Variants in PTPRN2 observed in about 807,000 individuals in gnomAD.
The protein encoded by PTPRN2 is protein tyrosine phosphatase receptor type N2, also known as receptor-type tyrosine-protein phosphatase N2.
A neutral mutation model predicts 118.8 loss-of-function variants in PTPRN2; 74 were observed. That is an observed-to-expected ratio of 0.62 (90% CI 0.52 to 0.76). The LOEUF is 0.76. Ranked by LOEUF, PTPRN2 falls within the 30% of genes least tolerant of loss-of-function variation. PTPRN2 has a pLI of 0.00. For missense variants in PTPRN2, 1,481 were observed against 1,394.4 expected (o/e 1.06, Z -0.99); for synonymous variants, 641 against 608.0 (o/e 1.05, Z -0.80).
chr7:158,329,614 C>G (rs1023650549), intron 2 of PTPRN2, among the ~76,000 whole-genome samples: 1 of 152,200 alleles, frequency 6.6e-6, no homozygotes, highest in Non-Finnish European at 1.5e-5. Context: ...TTCCAGCCTT[C>G]AGAACTGAGA....
chr7:158,528,834 A>ATGGACAC (rs1311179965), intron 1 of PTPRN2, among the ~76,000 whole-genome samples: 1 of 151,664 alleles, frequency 6.6e-6, no homozygotes, highest in African/African-American at 2.4e-5. Context: ...ACTGTGCACG[A>ATGGACAC]TGGACACTGG....
intron 2 of PTPRN2, among the ~76,000 whole-genome samples, chr7:158,417,671 G>A (rs1158435739): frequency 6.8e-6 from 1 of 147,256 alleles, no homozygotes; most frequent in Non-Finnish European, 1.5e-5. Context: ...GTGTCCCACT[G>A]TGTTAAGTCA....
intron 12 of PTPRN2, among the ~76,000 whole-genome samples, chr7:157,799,389 G>A (rs34485836): frequency 0.15 from 22,426 of 152,106 alleles, 1,823 homozygotes; most frequent in African/African-American, 0.2. Flanking sequence ...CACGCTGAAC[G>A]TGTGTTCCTC....
chr7:157,924,662 G>A (rs1182200161), intron 11 of PTPRN2, among the ~76,000 whole-genome samples: 6 of 152,252 alleles, frequency 3.9e-5, no homozygotes, highest in Non-Finnish European at 5.9e-5. Context: ...TAAGAAGTCC[G>A]CTGCAGGTGG....
chr7:158,481,794 AT>A (rs1390343334), intron 2 of PTPRN2, among the ~76,000 whole-genome samples: 6 of 152,214 alleles, frequency 3.9e-5, no homozygotes, highest in Non-Finnish European at 8.8e-5. Flanking sequence ...ACTTTGTAAG[AT>A]GACAGCTGCC....
intron 2 of PTPRN2, among the ~76,000 whole-genome samples, chr7:158,410,027 C>T (rs962058162): frequency 6.6e-6 from 1 of 152,228 alleles, no homozygotes; most frequent in East Asian, 1.9e-4. Context: ...GGCTCCGAGG[C>T]GTCCCCGCAG....
At chr7:158,195,997 G>A (rs1826181413) in intron 4 of PTPRN2, among the ~76,000 whole-genome samples, 1 of 152,106 alleles carries the variant, frequency 6.6e-6, no homozygotes, top group Admixed American at 6.5e-5. Flanking sequence ...CAGTATCAGA[G>A]CAGCAATTAT....
intron 1 of PTPRN2, among the ~76,000 whole-genome samples, chr7:158,502,657 G>A (rs1822452441): frequency 6.6e-6 from 1 of 152,246 alleles, no homozygotes; most frequent in African/African-American, 2.4e-5. Context: ...ACCCAAACCT[G>A]GACGTCACCA....
intron 2 of PTPRN2, among the ~76,000 whole-genome samples, chr7:158,357,975 A>G (rs1252814674): frequency 1.3e-5 from 2 of 152,176 alleles, no homozygotes; most frequent in African/African-American, 4.8e-5. Flanking sequence ...TTGTGTGTGC[A>G]TGTCTCTGTT....
Position 158,563,986 on chromosome 7 carries a change from CA to C in PTPRN2, c.112+23571del, listed in dbSNP as rs148029811. Among the ~76,000 whole-genome samples the C allele has an allele frequency of 5.1e-3, 780 of 152,312 alleles. 6 individuals are homozygous for C. Among genetic ancestry groups the C allele is most frequent in the African/African-American group, 0.017 (699 of 41,552 alleles). On this transcript the variant is annotated intron_variant, in intron 1 of 22. Coordinates refer to ENST00000389418, the MANE Select transcript of PTPRN2 (RefSeq NM_002847.5). The surrounding 1 kb of genome is among the most constrained non-coding windows in gnomAD (Gnocchi z 5.1). ...ACACACATCATGACAGCTCCTGCAT[CA>C]GGGGGCTGCTGGGATGATTAAACAA... is the stretch of plus-strand genomic sequence containing the variant.
At chr7:157,574,845 C>T (rs1380874682) in intron 19 of PTPRN2, among the ~76,000 whole-genome samples, 1 of 152,228 alleles carries the variant, frequency 6.6e-6, no homozygotes, top group African/African-American at 2.4e-5. Context: ...AGAATGTGTT[C>T]GCTCAAACCC....
intron 12 of PTPRN2, among the ~76,000 whole-genome samples, chr7:157,722,271 C>T (rs1312426602): frequency 2.0e-5 from 3 of 152,238 alleles, no homozygotes; most frequent in African/African-American, 7.2e-5. Flanking sequence ...ATTTTGGGTG[C>T]TCACGAATGC....
intron 12 of PTPRN2, among the ~76,000 whole-genome samples, chr7:157,771,837 A>G (rs1802840603): frequency 6.6e-6 from 1 of 150,900 alleles, no homozygotes; most frequent in South Asian, 2.1e-4. Context: ...ACACACAGAC[A>G]CAAGACACAA....
At chr7:158,370,002 G>T (rs774482221) in intron 2 of PTPRN2, among the ~76,000 whole-genome samples, 14 of 152,158 alleles carry the variant, frequency 9.2e-5, no homozygotes, top group Non-Finnish European at 2.1e-4. Context: ...GAACTGTCCC[G>T]GGAAGTCACC....
At chr7:158,278,091 A>G (rs559811920) in intron 3 of PTPRN2, among the ~76,000 whole-genome samples, 43 of 152,308 alleles carry the variant, frequency 2.8e-4, no homozygotes, top group African/African-American at 1.0e-3. Context: ...GGCTCCTATG[A>G]GAAAACAGGC....
At chr7:158,373,873 C>T (rs926079271) in intron 2 of PTPRN2, among the ~76,000 whole-genome samples, 1 of 152,212 alleles carries the variant, frequency 6.6e-6, no homozygotes, top group South Asian at 2.1e-4. Flanking sequence ...AGGGCCCTCC[C>T]GTCTCTCTGC....
intron 1 of PTPRN2, among the ~76,000 whole-genome samples, chr7:158,557,944 T>C (rs73730438): frequency 0.049 from 7,517 of 152,248 alleles, 594 homozygotes; most frequent in African/African-American, 0.17. Context: ...TTCCCAGCAG[T>C]AGCTATTGGT....
chr7:157,676,540 T>C lies in PTPRN2; in HGVS notation c.2001+6185A>G, dbSNP rs1472477380. On this transcript the variant is annotated intron_variant, in intron 13 of 22. Transcript: ENST00000389418. This position sits in a 1 kb window ranked among gnomAD's most constrained non-coding sequence, Gnocchi z 5.6. ...CAGTGCCTCACACTACGAGGGAAGA[T>C]GGTGGAGGAGCTGTCCAGACCCACG... Among the ~76,000 whole-genome samples the C allele has an allele frequency of 6.6e-6, 1 of 152,142 alleles. No homozygotes were observed. The highest frequency in any genetic ancestry group is 6.5e-5 in the Admixed American group (1 of 15,280).
rs1443679983 is a variant in PTPRN2 at position 158,544,676 on chromosome 7, T to G, written c.112+42882A>C. Reference sequence around the variant, plus strand: ...AATTATGAGATTTTTTTGCAATTTTTTAAAGCTCATAAGCTATCACTGTGT... The same window carrying G: ...AATTATGAGATTTTTTTGCAATTTTGTAAAGCTCATAAGCTATCACTGTGT... On this transcript the variant is annotated intron_variant, in intron 1 of 22. Transcript: ENST00000389418. This position sits in a 1 kb window ranked among gnomAD's most constrained non-coding sequence, Gnocchi z 4.2. 6.6e-6 allele frequency among the ~76,000 whole-genome samples: 1 copy of G among 152,184 alleles called. No individual in the cohort carries two copies. Among genetic ancestry groups the G allele is most frequent in the Non-Finnish European group, 1.5e-5 (1 of 68,040 alleles).
Sources: gnomAD v4.1 joint callset for allele counts (sites outside exome capture counted in the v4.1 genomes callset) on GRCh38, gnomAD v4.1.1 for gene constraint, Gnocchi (gnomAD v3.1) non-coding constraint, MANE v1.5 for transcripts, NCBI Gene and HGNC (gene_info 2026-07-23, HGNC 2026-07-21) for gene names.